Variants in TNFRSF19 observed in about 807,000 individuals in gnomAD.
TNFRSF19 encodes the protein TNF receptor superfamily member 19, also known as tumor necrosis factor receptor superfamily member 19.
Under a neutral mutation model 46.4 loss-of-function variants are expected in TNFRSF19, and 27 were observed. The ratio of observed to expected loss-of-function variants is 0.58; its 90% confidence interval spans 0.43 to 0.80. The LOEUF (loss-of-function observed/expected upper bound fraction) is 0.80. Among genes scored for constraint, TNFRSF19 ranks in the 30% least tolerant of loss-of-function variants. TNFRSF19 has a pLI of 0.00. For synonymous variants in TNFRSF19, 204 were observed against 205.0 expected, an observed-to-expected ratio of 1.00 and a Z score of 0.04; for missense variants, 511 against 530.8, an observed-to-expected ratio of 0.96 and a Z score of 0.37.
intron 2 of TNFRSF19, among the ~76,000 whole-genome samples, chr13:23,592,517 C>T (rs1879388804): frequency 6.6e-6 from 1 of 152,040 alleles, no homozygotes; most frequent in Non-Finnish European, 1.5e-5. Flanking sequence ...CTGTTTTTGC[C>T]TAAGTATACA....
intron 7 of TNFRSF19, 43 bp downstream of exon 7, chr13:23,660,533 A>G (rs1884298838): frequency 6.3e-7 from 1 of 1,597,120 alleles, no homozygotes. Context: ...CTGGAGGTAC[A>G]CAGAAGCTGA....
At chr13:23,582,742 A>G (rs187264643) in intron 1 of TNFRSF19, among the ~76,000 whole-genome samples, 46 of 152,006 alleles carry the variant, frequency 3.0e-4, no homozygotes, top group Non-Finnish European at 1.0e-4. Flanking sequence ...GCCCCTGACA[A>G]CCTCTGATCT....
chr13:23,591,367 C>T (rs914643167), intron 2 of TNFRSF19, among the ~76,000 whole-genome samples: 1 of 152,088 alleles, frequency 6.6e-6, no homozygotes, highest in Non-Finnish European at 1.5e-5. Context: ...GTAGGAGAAT[C>T]GCTTGAACAT....
chr13:23,611,409 A>G (rs1880904203), intron 3 of TNFRSF19, among the ~76,000 whole-genome samples: 1 of 152,184 alleles, frequency 6.6e-6, no homozygotes, highest in African/African-American at 2.4e-5. Context: ...TCTGGCTAAA[A>G]TGACCTCACA....
At chr13:23,578,622 G>C (rs1181417948) in intron 1 of TNFRSF19, among the ~76,000 whole-genome samples, 1 of 152,202 alleles carries the variant, frequency 6.6e-6, no homozygotes, top group Non-Finnish European at 1.5e-5. Context: ...TGGATGCCTT[G>C]GTACCAAAGT....
At chr13:23,580,140 G>A (rs1375079290) in intron 1 of TNFRSF19, among the ~76,000 whole-genome samples, 2 of 152,196 alleles carry the variant, frequency 1.3e-5, no homozygotes, top group East Asian at 3.9e-4. Flanking sequence ...CCATCTCATG[G>A]GACAGAAATT....
chr13:23,599,801 G>A (rs55679386), intron 3 of TNFRSF19, among the ~76,000 whole-genome samples: 11,947 of 152,024 alleles, frequency 0.079, 693 homozygotes, highest in East Asian at 0.29. Flanking sequence ...ATTCCGGAAG[G>A]GAGGAGGGTA....
chr13:23,636,451 C>T (rs1320092783), intron 5 of TNFRSF19, among the ~76,000 whole-genome samples: 2 of 152,166 alleles, frequency 1.3e-5, no homozygotes, highest in East Asian at 3.8e-4. Context: ...TGAATGATCT[C>T]CTCGTCTTCT....
At chr13:23,575,911 A>T (rs901171394) in intron 1 of TNFRSF19, among the ~76,000 whole-genome samples, 1 of 152,188 alleles carries the variant, frequency 6.6e-6, no homozygotes, top group African/African-American at 2.4e-5. Context: ...AAACAAATGC[A>T]CTTTGTGTCA....
chr13:23,669,468 C>A (rs1341782676), intron 9 of TNFRSF19: 7 of 983,116 alleles, frequency 7.1e-6, no homozygotes, highest in Non-Finnish European at 8.5e-6. Context: ...ATATATATTA[C>A]TTATGCCCAA....
chr13:23,668,010 G>C lies in TNFRSF19; in HGVS notation c.767G>C (p.Cys256Ser), dbSNP rs1350860158. Residue 256 changes from cysteine (C) to serine (S), a missense_variant, in exon 8 of 10, where the codon TGT (cysteine) becomes TCT (serine). Coordinates refer to ENST00000248484, the MANE Select transcript of TNFRSF19 (RefSeq NM_148957.4). ...GPVRLLPSMC[C>S]EEACSPNPAT... ...GTGCGCTTGCTCCCATCCATGTGCT[G>C]TGAGGAGGCCTGCAGCCCCAACCCG... 1 of 1,610,058 alleles carries C rather than the reference G, an allele frequency of 6.2e-7. No individual in the cohort carries two copies. The highest frequency in any genetic ancestry group is 2.2e-5 in the East Asian group (1 of 44,808).
At chr13:23,580,518 A>G (rs1878336892) in intron 1 of TNFRSF19, among the ~76,000 whole-genome samples, 1 of 152,244 alleles carries the variant, frequency 6.6e-6, no homozygotes, top group Non-Finnish European at 1.5e-5. Flanking sequence ...AAAAGGGAGG[A>G]TTACATTGCG....
At chr13:23,633,417 T>G (rs1174853004) in intron 5 of TNFRSF19, among the ~76,000 whole-genome samples, 1 of 151,640 alleles carries the variant, frequency 6.6e-6, no homozygotes, top group Non-Finnish European at 1.5e-5. Flanking sequence ...AGCAGAAAAC[T>G]GTTGTAATTC....
intron 4 of TNFRSF19, among the ~76,000 whole-genome samples, chr13:23,622,089 T>C (rs930837077): frequency 2.6e-5 from 4 of 152,160 alleles, no homozygotes; most frequent in African/African-American, 9.7e-5. Flanking sequence ...ATAGCATTTC[T>C]TATTATTTCT....
chr13:23,623,681 T>A (rs778373586), intron 4 of TNFRSF19, among the ~76,000 whole-genome samples: 6 of 152,160 alleles, frequency 3.9e-5, no homozygotes, highest in Non-Finnish European at 7.4e-5. Context: ...TGATATCTCA[T>A]GTGGTTTTGA....
chr13:23,629,089 T>C (rs1420037150), intron 5 of TNFRSF19, among the ~76,000 whole-genome samples: 1 of 150,850 alleles, frequency 6.6e-6, no homozygotes, highest in Non-Finnish European at 1.5e-5. Flanking sequence ...CTTTGGGCTT[T>C]TTTTTTTTTT....
intron 1 of TNFRSF19, among the ~76,000 whole-genome samples, chr13:23,587,198 A>G (rs1878907813): frequency 6.6e-6 from 1 of 152,198 alleles, no homozygotes; most frequent in African/African-American, 2.4e-5. Context: ...ATTTTAATAA[A>G]TAACCTTTTG....
intron 5 of TNFRSF19, among the ~76,000 whole-genome samples, chr13:23,657,608 T>C (rs989175503): frequency 2.0e-5 from 3 of 152,254 alleles, no homozygotes; most frequent in African/African-American, 7.2e-5. Context: ...AATTTTTATA[T>C]TGAATACATA....
chr13:23,613,865 G>A (rs1047659920), intron 3 of TNFRSF19, among the ~76,000 whole-genome samples: 38 of 152,156 alleles, frequency 2.5e-4, no homozygotes. Context: ...TGATCACCCC[G>A]CAAAGACCCA....
Sources: allele counts gnomAD v4.1 joint callset (sites outside exome capture counted in the v4.1 genomes callset), GRCh38; gene constraint gnomAD v4.1.1; transcripts MANE v1.5; gene names NCBI Gene and HGNC (gene_info 2026-07-23, HGNC 2026-07-21).